The following SMYD3 variants were observed in gnomAD, a reference collection of about 807,000 sequenced individuals.
SMYD3 encodes SET and MYND domain containing 3.
Under a neutral mutation model 57.7 loss-of-function variants are expected in SMYD3, and 36 were observed. That is an observed-to-expected ratio of 0.62 (90% CI 0.48 to 0.82). SMYD3 has a LOEUF of 0.82. Among genes scored for constraint, SMYD3 ranks in the 40% least tolerant of loss-of-function variants. SMYD3 has a pLI of 0.00. For synonymous variants in SMYD3, 211 were observed against 195.0 expected (o/e 1.08, Z -0.68); for missense variants, 515 against 538.8 (o/e 0.96, Z 0.44).
chr1:246,399,713 C>T (rs1183765375), intron 1 of SMYD3, among the ~76,000 whole-genome samples: 1 of 152,084 alleles, frequency 6.6e-6, no homozygotes, highest in African/African-American at 2.4e-5. Context: ...AAGACACATG[C>T]CTATCCTTAA....
chr1:246,425,325 C>A (rs2067202924), intron 1 of SMYD3, among the ~76,000 whole-genome samples: 1 of 152,274 alleles, frequency 6.6e-6, no homozygotes, highest in Middle Eastern at 3.4e-3. Context: ...GATACAACAC[C>A]AACCTAGATA....
At chr1:245,888,161 C>G (rs1184450907) in intron 8 of SMYD3, among the ~76,000 whole-genome samples, 1 of 152,168 alleles carries the variant, frequency 6.6e-6, no homozygotes, top group Non-Finnish European at 1.5e-5. Context: ...TGGAGTCTCA[C>G]CCAAGTGGGT....
At chr1:246,182,462 C>A (rs12077478) in intron 5 of SMYD3, among the ~76,000 whole-genome samples, 6,208 of 152,196 alleles carry the variant, frequency 0.041, 407 homozygotes, top group African/African-American at 0.14. Context: ...CAACTGGAGA[C>A]TGAAGTGATA....
At chr1:246,239,361 C>T (rs77637262) in intron 5 of SMYD3, among the ~76,000 whole-genome samples, 31,440 of 151,856 alleles carry the variant, frequency 0.21, 3,941 homozygotes, top group East Asian at 0.58. Flanking sequence ...GATTTTCTGT[C>T]CTTGCGGTAG....
intron 11 of SMYD3, among the ~76,000 whole-genome samples, chr1:245,750,324 A>C (rs1418852358): frequency 6.6e-6 from 1 of 152,190 alleles, no homozygotes; most frequent in Admixed American, 6.5e-5. Context: ...TTGCTCCCAG[A>C]ACCAAGAGAC....
chr1:246,144,899 G>A (rs1188920211), intron 5 of SMYD3, among the ~76,000 whole-genome samples: 4 of 152,150 alleles, frequency 2.6e-5, no homozygotes, highest in Non-Finnish European at 5.9e-5. Flanking sequence ...AGCACGAATC[G>A]GGTTTCCCGG....
In SMYD3 at chr1:246,043,898, C is replaced by T. The variant is rs377242959; in HGVS notation, c.532-113961G>A. Among the ~76,000 whole-genome samples, 169 of 152,190 alleles carry T rather than the reference C, an allele frequency of 1.1e-3. 5 individuals carry two copies. In the South Asian group the frequency reaches 0.03, roughly 27 times the overall value. ...ACAGAGAGTGGACTGGATAATGACT[C>T]GCACCAACAGTTTCGGGGATCTCCA... On this transcript the variant is annotated intron_variant, in intron 5 of 11. Coordinates refer to ENST00000490107, the MANE Select transcript of SMYD3 (RefSeq NM_001167740.2).
chr1:246,411,572 A>T (rs1378084670), intron 1 of SMYD3, among the ~76,000 whole-genome samples: 1 of 152,206 alleles, frequency 6.6e-6, no homozygotes, highest in Non-Finnish European at 1.5e-5. Context: ...CTTGGAACGA[A>T]GCCAAATGTC....
intron 10 of SMYD3, among the ~76,000 whole-genome samples, chr1:245,811,763 G>A (rs1018583700): frequency 6.6e-6 from 1 of 152,194 alleles, no homozygotes; most frequent in African/African-American, 2.4e-5. Context: ...ATCAGGTGAT[G>A]TGCTGTACAG....
chr1:246,344,012 G>A (rs767247781), intron 2 of SMYD3, among the ~76,000 whole-genome samples: 8 of 152,072 alleles, frequency 5.3e-5, no homozygotes, highest in Non-Finnish European at 1.0e-4. Flanking sequence ...CCACAGTTAC[G>A]TATAATAAAA....
At chr1:245,781,143 A>G (rs1324922330) in intron 10 of SMYD3, among the ~76,000 whole-genome samples, 2 of 152,220 alleles carry the variant, frequency 1.3e-5, no homozygotes, top group African/African-American at 4.8e-5. Flanking sequence ...AGATACTAGA[A>G]ATATTCTAAA....
rs2049102242 is a variant in SMYD3 at position 245,820,507 on chromosome 1, A to C, written c.1076+37989T>G. Among the ~76,000 whole-genome samples the C allele has an allele frequency of 3.3e-5, 5 of 149,542 alleles. No individual in the cohort carries two copies. The South Asian group carries it at 1.1e-3, about 32-fold the overall frequency. On this transcript the variant is annotated intron_variant, in intron 10 of 11. Transcript: ENST00000490107. ...GCACAAGACAGGGATGCCCTCTCTC[A>C]CCACTCCTATTCAACATAGTGTTGG...
intron 5 of SMYD3, among the ~76,000 whole-genome samples, chr1:246,055,361 G>GC (rs1309935538): frequency 2.0e-5 from 3 of 152,150 alleles, no homozygotes; most frequent in Non-Finnish European, 4.4e-5. Flanking sequence ...TACTCTGCAG[G>GC]CTGAGGCAGG....
chr1:246,452,981 G>A (rs531134890), intron 1 of SMYD3, among the ~76,000 whole-genome samples: 4 of 152,176 alleles, frequency 2.6e-5, no homozygotes, highest in African/African-American at 9.6e-5. Flanking sequence ...ACTAGCCAAT[G>A]CAAGGGAAAA....
At chr1:246,021,347 CTTAGAG>C (rs938706966) in intron 5 of SMYD3, among the ~76,000 whole-genome samples, 6 of 152,172 alleles carry the variant, frequency 3.9e-5, no homozygotes, top group African/African-American at 1.4e-4. Context: ...TGAAGAAAGA[CTTAGAG>C]TTAATCTTCC....
chr1:246,354,404 A>C (rs891678816), intron 2 of SMYD3, among the ~76,000 whole-genome samples: 1 of 152,222 alleles, frequency 6.6e-6, no homozygotes, highest in African/African-American at 2.4e-5. Flanking sequence ...TCCTTTCAAC[A>C]ATCAATACAA....
chr1:246,378,588 C>A (rs1371235860), intron 1 of SMYD3, among the ~76,000 whole-genome samples: 1 of 147,152 alleles, frequency 6.8e-6, no homozygotes, highest in Non-Finnish European at 1.5e-5. Flanking sequence ...CTGCAGATGG[C>A]CTATTGTGAG....
chr1:246,234,020 C>A (rs2063470590), intron 5 of SMYD3, among the ~76,000 whole-genome samples: 2 of 142,852 alleles, frequency 1.4e-5, no homozygotes, highest in Non-Finnish European at 3.0e-5. Flanking sequence ...AGAGGAGAAG[C>A]ACTCCTTCAA....
intron 1 of SMYD3, among the ~76,000 whole-genome samples, chr1:246,407,084 G>C (rs189883502): frequency 6.6e-6 from 1 of 152,322 alleles, no homozygotes; most frequent in Non-Finnish European, 1.5e-5. Context: ...TATGAGGATA[G>C]TTTGGTTTTC....
Sources: gnomAD v4.1 joint callset for allele counts (sites outside exome capture counted in the v4.1 genomes callset) on GRCh38, gnomAD v4.1.1 for gene constraint, MANE v1.5 for transcripts, NCBI Gene and HGNC (gene_info 2026-07-23, HGNC 2026-07-21) for gene names.